The following IPO4 variants were observed in gnomAD, a reference collection of about 807,000 sequenced individuals.
IPO4 encodes importin-4.
Under a neutral mutation model 133.5 loss-of-function variants are expected in IPO4, and 91 were observed. That is an observed-to-expected ratio of 0.68 (90% CI 0.58 to 0.81). The LOEUF (loss-of-function observed/expected upper bound fraction) is 0.81, where lower values mean the gene tolerates loss of function less well. Ranked by LOEUF, IPO4 falls within the 30% of genes least tolerant of loss-of-function variation. The pLI is 0.00. For missense variants in IPO4, 1,279 were observed against 1,386.2 expected, an observed-to-expected ratio of 0.92 and a Z score of 1.23; for synonymous variants, 607 against 581.6, an observed-to-expected ratio of 1.04 and a Z score of -0.63.
At chr14:24,185,791 C>T (rs754442963) in intron 12 of IPO4, 70 bp downstream of exon 12, 64 of 1,219,382 alleles carry the variant, frequency 5.2e-5, no homozygotes, top group Non-Finnish European at 7.3e-5. Flanking sequence ...GCTTGAACAA[C>T]AAGCGTAAAC....
Position 24,183,040 on chromosome 14 carries a change from G to A in IPO4, c.2357C>T (p.Thr786Ile). 6.2e-7 allele frequency: 1 copy of A among 1,613,808 alleles called. No homozygotes were observed. Among genetic ancestry groups the A allele is most frequent in the Non-Finnish European group, 8.5e-7 (1 of 1,180,008 alleles). ...AGCGAGGCGCCCAGGGGGCTTCAGT[G>A]TGAGGGTCCCACAGCTGCGGAGCAC... ...TGVLRSCGTL[T>I]LKPPGRLAEL... is the part of the protein sequence containing the mutation. The change falls in exon 23 of 30, where the codon ACA becomes ATA. Residue 786 changes from threonine to isoleucine, a missense_variant. By Grantham distance (89) the Thr-to-Ile change is moderately conservative. Coordinates refer to ENST00000354464, the MANE Select transcript of IPO4 (RefSeq NM_024658.4).
chr14:24,182,525 CCT>C (rs2039157480), intron 24 of IPO4, 122 bp from the exon 25 acceptor site: 1 of 1,385,812 alleles, frequency 7.2e-7, no homozygotes, highest in Non-Finnish European at 9.8e-7. Context: ...AGGGCTGGCC[CCT>C]CTCAAGCTGG....
In IPO4 at chr14:24,183,838, C is replaced by T. The variant is rs1172323856; in HGVS notation, c.1930G>A (p.Glu644Lys). Reference protein sequence around the residue: ...LFDDESDGEEEEELMDEDVEE... With the variant: ...LFDDESDGEEKEELMDEDVEE... Reference sequence around the variant, plus strand: ...ACATCCTCATCCATGAGCTCCTCCTCTTCTTCCCCATCACTCTCATCGTCA... The same window carrying T: ...ACATCCTCATCCATGAGCTCCTCCTTTTCTTCCCCATCACTCTCATCGTCA... The change falls in exon 19 of 30, where the codon GAG (glutamate) becomes AAG (lysine). Residue 644 changes from glutamate to lysine, a missense_variant. Glu to Lys is a moderately conservative substitution (Grantham distance 56). Transcript: ENST00000354464. 8.1e-6 allele frequency: 13 copies of T among 1,614,166 alleles called. No individual in the cohort carries two copies. Among genetic ancestry groups the T allele is most frequent in the Non-Finnish European group, 1.1e-5 (13 of 1,180,032 alleles).
chr14:24,184,672 C>T lies in IPO4; in HGVS notation c.1614G>A (p.Gln538=), dbSNP rs765785549. 6.2e-6 allele frequency: 10 copies of T among 1,608,300 alleles called. No individual in the cohort carries two copies. The highest frequency in any genetic ancestry group is 8.5e-6 in the Non-Finnish European group (10 of 1,177,368). ...EFLLTGREDL[Q]PVQIQSLETL... ...CACCCAGGCTCTGGATCTGCACAGGCTGAAGGTCCTCACGGCCTGTTAACA... is the reference window on the plus strand; with the variant it reads ...CACCCAGGCTCTGGATCTGCACAGGTTGAAGGTCCTCACGGCCTGTTAACA... The change falls in exon 16 of 30, where the codon CAG becomes CAA. Residue 538 remains glutamine (Q), a synonymous_variant. Coordinates refer to ENST00000354464, the MANE Select transcript of IPO4 (RefSeq NM_024658.4).
At chr14:24,187,941 G>A (rs970807950) in intron 4 of IPO4, 145 bp from the exon 5 acceptor site, 1 of 992,112 alleles carries the variant, frequency 1.0e-6, no homozygotes, top group African/African-American at 1.6e-5. Flanking sequence ...TGAGACAGCA[G>A]CTCAGAGGGA....
intron 4 of IPO4, 118 bp downstream of exon 4, chr14:24,188,098 T>TC (rs1177795636): frequency 9.0e-7 from 1 of 1,105,156 alleles, no homozygotes; most frequent in Non-Finnish European, 1.3e-6. Context: ...AAATCCTCAC[T>TC]CCACCTTGCG....
chr14:24,187,252 C>G (rs1276296258), intron 6 of IPO4, 102 bp from the exon 7 acceptor site: 3 of 1,469,602 alleles, frequency 2.0e-6, no homozygotes, highest in Non-Finnish European at 2.8e-6. Flanking sequence ...CCAGGCATAA[C>G]AGCCAGGCCC....
rs754120878 is a variant in IPO4 at position 24,184,787 on chromosome 14, A to G, written c.1523-24T>C. The G allele has an allele frequency of 6.8e-5, 110 of 1,606,556 alleles. No homozygotes were observed. In the Admixed American group the frequency reaches 1.8e-3, roughly 26 times the overall value. On this transcript the variant is annotated intron_variant, in intron 15 of 29. Transcript: ENST00000354464. ...AGCTGCAGGATGGAAGGACAGAATC[A>G]GAGCTGGAGAGGGCAGGGACCACCA...
Position 24,184,649 on chromosome 14 carries a change from C to A in IPO4, c.1636+1G>T. On this transcript the variant is annotated splice_donor_variant, in intron 16 of 29. Transcript: ENST00000354464. LOFTEE classifies it high-confidence loss of function. ...GCCCCACCTGGGAACCTCTCACTCA[C>A]CCAGGCTCTGGATCTGCACAGGCTG... 15 of 1,587,748 alleles carry A rather than the reference C, an allele frequency of 9.4e-6. No individual in the cohort carries two copies. Among genetic ancestry groups the A allele is most frequent in the African/African-American group, 1.3e-5 (1 of 74,452 alleles).
Position 24,181,540 on chromosome 14 carries a change from G to C in IPO4, c.3018C>G (p.Ser1006Arg). The change falls in exon 28 of 30, where the codon AGC (serine) becomes AGG (arginine). Residue 1006 changes from serine to arginine, a missense_variant. Physicochemically the swap from Ser to Arg is moderately radical, Grantham distance 110. Transcript: ENST00000354464. Reference sequence around the variant, plus strand: ...GGTCAGGGCTGCTCTGGTACAGGAAGCTGAAGAGGCGCCCAATGGTGACCC... The same window carrying C: ...GGTCAGGGCTGCTCTGGTACAGGAACCTGAAGAGGCGCCCAATGGTGACCC... The part of the protein sequence containing the change: ...EEWVTIGRLF[S>R]FLYQSSPDQV... 19 of 1,580,870 alleles carry C rather than the reference G, an allele frequency of 1.2e-5. No individual in the cohort carries two copies. Among genetic ancestry groups the C allele is most frequent in the Non-Finnish European group, 1.6e-5 (19 of 1,162,944 alleles).
At position 24,182,066 on chromosome 14, in the gene IPO4, C is replaced by T. The variant is rs139591476; in HGVS notation, c.2696G>A (p.Arg899Gln). 183 of 1,613,890 alleles carry T rather than the reference C, an allele frequency of 1.1e-4. No individual in the cohort carries two copies. The highest frequency in any genetic ancestry group is 5.4e-4 in the South Asian group (49 of 91,092). Reference sequence around the variant, plus strand: ...GGTGCTCAACAGCACAGGGAGCAGCCGAGACACAAACTGGGCTGAGGCAGC... The same window carrying T: ...GGTGCTCAACAGCACAGGGAGCAGCTGAGACACAAACTGGGCTGAGGCAGC... ...LGAASAQFVS[R>Q]LLPVLLSTAQ... The change falls in exon 26 of 30, where the codon CGG becomes CAG. Residue 899 changes from arginine (R) to glutamine (Q), a missense_variant. Physicochemically the swap from Arg to Gln is conservative, Grantham distance 43. This residue lies in a region of IPO4 where 575 missense variants were observed against 653.4 expected (regional missense o/e 0.88). Transcript: ENST00000354464.
chr14:24,185,549 C>T lies in IPO4; in HGVS notation c.1188G>A (p.Leu396=), dbSNP rs201885434. The T allele has an allele frequency of 4.3e-6, 7 of 1,614,102 alleles. No homozygotes were observed. Among genetic ancestry groups the T allele is most frequent in the Non-Finnish European group, 5.9e-6 (7 of 1,179,998 alleles). ...CCTCCAGGCCCTTGCACACAATCTGCAGCAGTGGGGGCAGCAGTCTGGATG... is the reference window on the plus strand; with the variant it reads ...CCTCCAGGCCCTTGCACACAATCTGTAGCAGTGGGGGCAGCAGTCTGGATG... ...HIRQRLLPPL[L]QIVCKGLEDP... Residue 396 remains leucine (L), a synonymous_variant, in exon 13 of 30, where the codon CTG becomes CTA. Coordinates refer to ENST00000354464, the MANE Select transcript of IPO4 (RefSeq NM_024658.4).
intron 6 of IPO4, 75 bp downstream of exon 6, chr14:24,187,325 C>T: frequency 6.4e-7 from 1 of 1,558,000 alleles, no homozygotes; most frequent in Non-Finnish European, 8.8e-7. Context: ...TCCAAAGCAG[C>T]TTTGTAACTT....
chr14:24,180,628 C>A, intron 29 of IPO4, 56 bp from the exon 30 acceptor site: 3 of 1,612,422 alleles, frequency 1.9e-6, no homozygotes, highest in South Asian at 1.1e-5. Flanking sequence ...CTGCCCCAGG[C>A]TCTCTGAGCC....
intron 22 of IPO4, 25 bp downstream of exon 22, chr14:24,183,225 C>T (rs747314959): frequency 7.4e-6 from 12 of 1,612,078 alleles, no homozygotes; most frequent in Non-Finnish European, 1.0e-5. Context: ...CCAAGAACCC[C>T]CAGCCTGGCC....
rs1594436210 is a variant in IPO4, at chr14:24,181,541, C to T, written c.3017G>A (p.Ser1006Asn). Residue 1006 changes from serine to asparagine, a missense_variant, in exon 28 of 30, where the codon AGC (serine) becomes AAC (asparagine). Around this residue, in one of 3 missense-constraint regions of IPO4, gnomAD observed 575 missense variants for 653.4 expected, o/e 0.88. Transcript: ENST00000354464. ...GTCAGGGCTGCTCTGGTACAGGAAG[C>T]TGAAGAGGCGCCCAATGGTGACCCA... ...EEWVTIGRLF[S>N]FLYQSSPDQV... 1 of 1,582,134 alleles carries T rather than the reference C, an allele frequency of 6.3e-7. No homozygotes were observed. The highest frequency in any genetic ancestry group is 8.6e-7 in the Non-Finnish European group (1 of 1,163,684).
chr14:24,187,688 G>T lies in IPO4; in HGVS notation c.387C>A (p.Ser129Arg), dbSNP rs745989021. 1.9e-6 allele frequency: 3 copies of T among 1,614,108 alleles called. No individual in the cohort carries two copies. The highest frequency in any genetic ancestry group is 1.7e-5 in the Admixed American group (1 of 60,008). ...GTACCTCTCTCTCTGGGCTGTGGGG[G>T]CTGTGGGTACTGTGCTGAAGCAGCT... ...LLQLLQHSTH[S>R]PHSPEREMGL... The change falls in exon 5 of 30, where the codon AGC becomes AGA. Residue 129 changes from serine to arginine, a missense_variant. Transcript: ENST00000354464.
chr14:24,182,965 G>A lies in IPO4; in HGVS notation c.2421+11C>T, dbSNP rs1210527387. ...CACCTCTCCTTCCCGAAGCCCACCT[G>A]CCCTGCTCACCTTCCTCTGCAGCAC... is the stretch of plus-strand genomic sequence containing the variant. On this transcript the variant is annotated intron_variant, in intron 23 of 29. Coordinates refer to ENST00000354464, the MANE Select transcript of IPO4 (RefSeq NM_024658.4). 5.6e-6 allele frequency: 9 copies of A among 1,613,052 alleles called. 1 individual carries two copies. The highest frequency in any genetic ancestry group is 3.3e-5 in the South Asian group (3 of 91,082).
Position 24,186,539 on chromosome 14 carries a change from G to A in IPO4, c.841-88C>T, listed in dbSNP as rs1367116557. 1.1e-5 allele frequency: 16 copies of A among 1,475,966 alleles called. No homozygotes were observed. In the Admixed American group the frequency reaches 3.1e-4, roughly 29 times the overall value. 91.4% of individuals were successfully genotyped at this position (1,475,966 alleles called of 1,614,324 possible). On this transcript the variant is annotated intron_variant, in intron 9 of 29. Coordinates refer to ENST00000354464, the MANE Select transcript of IPO4 (RefSeq NM_024658.4). Reference sequence around the variant, plus strand: ...AATTCCAGTCTTCCAGGCCATAAGGGGTCTGACAGAAAATTCCCAACCTCC... The same window carrying A: ...AATTCCAGTCTTCCAGGCCATAAGGAGTCTGACAGAAAATTCCCAACCTCC...
Sources: allele counts gnomAD v4.1 joint callset, GRCh38; gene constraint gnomAD v4.1.1; regional missense constraint gnomAD v4.1.1; transcripts MANE v1.5; gene names NCBI Gene and HGNC (gene_info 2026-07-23, HGNC 2026-07-21).